GPATCH2: variants seen among roughly 807,000 people sequenced by gnomAD.
The protein encoded by GPATCH2 is G patch domain-containing protein 2.
GPATCH2 carries 51 observed loss-of-function variants against 58.0 expected under a neutral mutation model. The ratio of observed to expected loss-of-function variants is 0.88; its 90% confidence interval spans 0.70 to 1.11. The LOEUF is 1.11. Among genes scored for constraint, GPATCH2 ranks in the 50% most tolerant of loss-of-function variants. The probability of loss-of-function intolerance (pLI) is 0.00; values close to 1 mark genes in which losing one functional copy is unlikely to be tolerated. For missense variants in GPATCH2, 625 were observed against 652.2 expected (o/e 0.96, Z 0.45); for synonymous variants, 222 against 218.5 (o/e 1.02, Z -0.14).
intron 5 of GPATCH2, among the ~76,000 whole-genome samples, chr1:217,538,798 T>C (rs1167799214): frequency 1.3e-5 from 2 of 152,218 alleles, no homozygotes; most frequent in Non-Finnish European, 2.9e-5. Context: ...GGCCAAGTTA[T>C]GTCCATCATC....
chr1:217,555,049 T>C (rs1233176705), intron 5 of GPATCH2, among the ~76,000 whole-genome samples: 3 of 152,148 alleles, frequency 2.0e-5, no homozygotes, highest in African/African-American at 7.2e-5. Context: ...GGCTTGAAAA[T>C]TTATGACACC....
intron 5 of GPATCH2, among the ~76,000 whole-genome samples, chr1:217,569,078 G>T (rs763676502): frequency 5.3e-5 from 8 of 151,348 alleles, no homozygotes; most frequent in Admixed American, 3.3e-4. Context: ...TGACAGCAAG[G>T]TTTATAGTAT....
At chr1:217,608,169 C>A (rs1668449722) in intron 5 of GPATCH2, 1 of 545,350 alleles carries the variant, frequency 1.8e-6, no homozygotes. Flanking sequence ...GAAATAGCAG[C>A]ACAAATTGGA....
intron 6 of GPATCH2, among the ~76,000 whole-genome samples, chr1:217,508,672 T>C (rs1292969400): frequency 3.9e-5 from 6 of 152,144 alleles, no homozygotes; most frequent in African/African-American, 1.4e-4. Context: ...CATATATTAA[T>C]TTTATTTTTA....
chr1:217,568,423 T>C (rs748268810), intron 5 of GPATCH2, among the ~76,000 whole-genome samples: 2 of 152,016 alleles, frequency 1.3e-5, no homozygotes, highest in Non-Finnish European at 2.9e-5. Context: ...GAGCCTATAT[T>C]CCACTGAGAG....
intron 5 of GPATCH2, among the ~76,000 whole-genome samples, chr1:217,597,539 T>C (rs1344782133): frequency 6.6e-6 from 1 of 152,056 alleles, no homozygotes; most frequent in Non-Finnish European, 1.5e-5. Context: ...TCATGGATAG[T>C]CTATTTTTTA....
intron 5 of GPATCH2, among the ~76,000 whole-genome samples, chr1:217,524,028 G>T: frequency 6.9e-6 from 1 of 144,426 alleles, no homozygotes; most frequent in Non-Finnish European, 1.5e-5. Flanking sequence ...GGGCGGCCAG[G>T]CAGAGGTGCC....
intron 1 of GPATCH2, among the ~76,000 whole-genome samples, chr1:217,624,877 G>T (rs1669376346): frequency 6.6e-6 from 1 of 152,084 alleles, no homozygotes; most frequent in African/African-American, 2.4e-5. Context: ...TTAATATTGG[G>T]TAATATCTAA....
intron 8 of GPATCH2, among the ~76,000 whole-genome samples, chr1:217,476,802 C>A (rs1660991532): frequency 6.6e-6 from 1 of 152,232 alleles, no homozygotes; most frequent in African/African-American, 2.4e-5. Context: ...GCAGTCTATG[C>A]CACAAAGACT....
intron 8 of GPATCH2, among the ~76,000 whole-genome samples, chr1:217,485,842 A>T (rs56045346): frequency 0.1 from 15,150 of 152,214 alleles, 1,477 homozygotes; most frequent in African/African-American, 0.26. Context: ...ATGGTATTGT[A>T]ATCTTCTGGG....
chr1:217,524,071 G>A (rs1342644357), intron 5 of GPATCH2, among the ~76,000 whole-genome samples: 6 of 149,616 alleles, frequency 4.0e-5, no homozygotes, highest in African/African-American at 9.9e-5. Context: ...CTGGCCAGGC[G>A]GGGGGCTGAC....
chr1:217,489,250 T>C (rs978162439), intron 8 of GPATCH2, among the ~76,000 whole-genome samples: 3 of 152,116 alleles, frequency 2.0e-5, no homozygotes, highest in African/African-American at 7.2e-5. Flanking sequence ...TTTTAAAAAA[T>C]GGATTATTTG....
intron 9 of GPATCH2, among the ~76,000 whole-genome samples, chr1:217,444,783 CA>C (rs1372883977): frequency 6.6e-6 from 1 of 152,090 alleles, no homozygotes; most frequent in African/African-American, 2.4e-5. Flanking sequence ...CAATAATCTA[CA>C]GCAGCTATAT....
intron 9 of GPATCH2, among the ~76,000 whole-genome samples, chr1:217,442,271 C>T (rs532528760): frequency 2.0e-5 from 3 of 152,234 alleles, no homozygotes; most frequent in African/African-American, 4.8e-5. Context: ...TGTTCTCACT[C>T]ATAAGTGGGA....
intron 8 of GPATCH2, among the ~76,000 whole-genome samples, chr1:217,452,591 T>C (rs1042394318): frequency 6.6e-6 from 1 of 152,190 alleles, no homozygotes; most frequent in African/African-American, 2.4e-5. Context: ...TTTTTCATAC[T>C]TCTTAAAATT....
At chr1:217,624,458 A>T (rs1482092777) in intron 1 of GPATCH2, among the ~76,000 whole-genome samples, 1 of 152,244 alleles carries the variant, frequency 6.6e-6, no homozygotes, top group African/African-American at 2.4e-5. Flanking sequence ...CGGAGGCTGT[A>T]GTGAGCCAAG....
At chr1:217,479,842 C>CA (rs1558421767) in intron 8 of GPATCH2, among the ~76,000 whole-genome samples, 1 of 151,430 alleles carries the variant, frequency 6.6e-6, no homozygotes, top group Non-Finnish European at 1.5e-5. Flanking sequence ...CAATGGAAAC[C>CA]AAAAAAGAGC....
intron 5 of GPATCH2, among the ~76,000 whole-genome samples, chr1:217,566,101 C>CAAAAAAAAAAAAAAAAAAA (rs59608962): frequency 2.1e-5 from 1 of 47,242 alleles, no homozygotes; most frequent in African/African-American, 5.8e-5. Flanking sequence ...AACTCCGTCT[C>CAAAAAAAAAAAAAAAAAAA]AAAAAAAAAA....
chr1:217,577,963 T>C (rs1177565753), intron 5 of GPATCH2, among the ~76,000 whole-genome samples: 1 of 151,636 alleles, frequency 6.6e-6, no homozygotes, highest in Non-Finnish European at 1.5e-5. Context: ...GTCAGGCTGG[T>C]CTCGAACTCC....
Sources: allele counts gnomAD v4.1 joint callset (sites outside exome capture counted in the v4.1 genomes callset), GRCh38; gene constraint gnomAD v4.1.1; transcripts MANE v1.5; gene names NCBI Gene and HGNC (gene_info 2026-07-23, HGNC 2026-07-21).